The following CCNJL variants were observed in gnomAD, a reference collection of about 807,000 sequenced individuals.
CCNJL encodes cyclin-J-like protein.
In CCNJL, 33 loss-of-function variants were observed where a neutral mutation model predicts 33.4. The ratio of observed to expected loss-of-function variants is 0.99; its 90% CI spans 0.75 to 1.32. The LOEUF (loss-of-function observed/expected upper bound fraction) is 1.32. Among genes scored for constraint, CCNJL ranks in the 40% most tolerant of loss-of-function variants. CCNJL has a pLI of 0.00. For synonymous variants in CCNJL, 227 were observed against 220.9 expected (o/e 1.03, Z -0.24); for missense variants, 512 against 499.7 (o/e 1.02, Z -0.23).
intron 2 of CCNJL, among the ~76,000 whole-genome samples, chr5:160,299,841 T>C (rs1762869413): frequency 6.6e-6 from 1 of 152,100 alleles, no homozygotes; most frequent in South Asian, 2.1e-4. Flanking sequence ...CTTGGATTTT[T>C]TTTTTTTTTT....
intron 3 of CCNJL, among the ~76,000 whole-genome samples, chr5:160,277,267 C>T (rs925643619): frequency 6.6e-6 from 1 of 152,140 alleles, no homozygotes; most frequent in African/African-American, 2.4e-5. Flanking sequence ...TGTAAAGTGC[C>T]TGGCATGGGG....
At chr5:160,299,371 C>T (rs537800880) in intron 2 of CCNJL, among the ~76,000 whole-genome samples, 10 of 151,860 alleles carry the variant, frequency 6.6e-5, no homozygotes, top group Non-Finnish European at 1.0e-4. Flanking sequence ...AGGCTGGTCT[C>T]GAATTCCTGA....
At chr5:160,266,122 C>T (rs902727509) in intron 3 of CCNJL, among the ~76,000 whole-genome samples, 1 of 152,230 alleles carries the variant, frequency 6.6e-6, no homozygotes, top group African/African-American at 2.4e-5. Context: ...CAGTGGTACC[C>T]AGGCCTTGCC....
chr5:160,321,007 TC>T (rs1171172915), intron 1 of CCNJL, among the ~76,000 whole-genome samples: 5 of 100,628 alleles, frequency 5.0e-5, no homozygotes, highest in African/African-American at 2.5e-4. Context: ...TCTCTCTCTC[TC>T]TCTCTCTTTC....
chr5:160,323,140 C>G (rs1763493730), intron 1 of CCNJL, among the ~76,000 whole-genome samples: 1 of 148,786 alleles, frequency 6.7e-6, no homozygotes, highest in African/African-American at 2.5e-5. Context: ...GAGGCCAAGG[C>G]AAGAGAATTG....
At chr5:160,259,419 GGGT>G in intron 4 of CCNJL, 47 bp downstream of exon 4, 1 of 1,539,314 alleles carries the variant, frequency 6.5e-7, no homozygotes, top group Non-Finnish European at 8.9e-7. Flanking sequence ...CCCGACCCCT[GGGT>G]GGTGGGGAAG....
In CCNJL at chr5:160,253,744, T is replaced by C. The variant is rs1274761483; in HGVS notation, c.798A>G (p.Ala266=). ...GGGTGGGGGGTGTGCCGGGCACCAT[T>C]GCCAAGGCCTGGCTCTTGACGGCTA... ...DAVAVKSQAL[A]MVPGTPPTPT... is the part of the protein sequence containing the mutation. Residue 266 remains alanine, a synonymous_variant, in exon 6 of 6, where the codon GCA becomes GCG. Transcript: ENST00000257536. 3 of 1,555,610 alleles carry C rather than the reference T, an allele frequency of 1.9e-6. No homozygotes were observed. The highest frequency in any genetic ancestry group is 2.6e-6 in the Non-Finnish European group (3 of 1,152,006).
intron 3 of CCNJL, 21 bp from the exon 4 acceptor site, chr5:160,259,792 C>A: frequency 6.3e-7 from 1 of 1,582,658 alleles, no homozygotes. Context: ...GCAGGGGAAG[C>A]AGGGGTTACT....
chr5:160,311,099 G>A (rs1399218668), intron 2 of CCNJL, among the ~76,000 whole-genome samples: 3 of 152,068 alleles, frequency 2.0e-5, no homozygotes, highest in African/African-American at 7.2e-5. Flanking sequence ...CACAGGCCAT[G>A]CCTCCAGCCC....
In CCNJL at chr5:160,280,726, G is replaced by A; in HGVS notation, c.79C>T (p.Pro27Ser). ...CTLREKELKLPTFRAHSPLLK... is the reference protein window; with the variant it reads ...CTLREKELKLSTFRAHSPLLK... ...AGTGGGGAGTGGGCTCGGAAGGTGG[G>A]CAGCTTCAGTTCCTGGAGGACAGGC... The change falls in exon 3 of 6, where the codon CCC becomes TCC. Residue 27 changes from proline (P) to serine (S), a missense_variant. Physicochemically the swap from Pro to Ser is moderately conservative, Grantham distance 74. Transcript: ENST00000257536. The A allele has an allele frequency of 6.2e-7, 1 of 1,604,372 alleles. No homozygotes were observed. The highest frequency in any genetic ancestry group is 1.3e-5 in the African/African-American group (1 of 74,804).
intron 2 of CCNJL, among the ~76,000 whole-genome samples, chr5:160,295,866 C>T (rs933659): frequency 0.11 from 16,683 of 152,206 alleles, 997 homozygotes; most frequent in South Asian, 0.2. Flanking sequence ...GTTTGTGGCA[C>T]GTTGTCACAG....
rs1285385859 is a variant in CCNJL, at chr5:160,251,070, T to A, written c.*2308A>T. 2.0e-5 allele frequency: 3 copies of A among 152,196 alleles called. No individual in the cohort carries two copies. The highest frequency in any genetic ancestry group is 2.9e-5 in the Non-Finnish European group (2 of 68,038). 9.4% of individuals were successfully genotyped at this position (152,196 alleles called of 1,614,324 possible). On this transcript the variant is annotated 3_prime_UTR_variant, in exon 6 of 6. Transcript: ENST00000257536. ...TTGTGTGGCTAGGTACTAGTCTAGATGTTGCTGTCAAGGTATTTTTAGATG... is the reference window on the plus strand; with the variant it reads ...TTGTGTGGCTAGGTACTAGTCTAGAAGTTGCTGTCAAGGTATTTTTAGATG...
intron 2 of CCNJL, among the ~76,000 whole-genome samples, chr5:160,305,962 C>A (rs1474149518): frequency 6.6e-6 from 1 of 152,152 alleles, no homozygotes; most frequent in Non-Finnish European, 1.5e-5. Context: ...AATCAAACAT[C>A]TTTTATCTGT....
rs150155784 is a variant in CCNJL, at chr5:160,337,230, G to T, written n.206+2215C>A. Among the ~76,000 whole-genome samples, 336 of 150,630 alleles carry T rather than the reference G, an allele frequency of 2.2e-3. 1 individual carries two copies. The highest frequency in any genetic ancestry group is 7.1e-3 in the African/African-American group (291 of 40,932). ...AGGTTTTCACCATGTTGCCCAGGCT[G>T]GTCTTGAACTCCTGGGCTGAAAAGA... On this transcript the variant is annotated intron_variant and non_coding_transcript_variant, in intron 1 of 7. Coordinates refer to the CCNJL transcript ENST00000377503.
intron 1 of CCNJL, 116 bp from the exon 2 acceptor site, chr5:160,312,088 G>T: frequency 1.5e-6 from 1 of 648,564 alleles, no homozygotes. Flanking sequence ...CTCCTGCGCC[G>T]CTCAGAGGAG....
intron 2 of CCNJL, among the ~76,000 whole-genome samples, chr5:160,282,981 A>ATATATG (rs1762274372): frequency 1.8e-5 from 1 of 55,342 alleles, no homozygotes; most frequent in Non-Finnish European, 3.2e-5. Context: ...ATATATATAT[A>ATATATG]TATATATATA....
At chr5:160,263,163 T>G (rs138199546) in intron 3 of CCNJL, among the ~76,000 whole-genome samples, 83 of 152,370 alleles carry the variant, frequency 5.4e-4, no homozygotes, top group African/African-American at 1.9e-3. Context: ...AGGTGTATTC[T>G]GTCTGTAAAT....
At chr5:160,311,550 G>T (rs898954327) in intron 2 of CCNJL, among the ~76,000 whole-genome samples, 1 of 152,134 alleles carries the variant, frequency 6.6e-6, no homozygotes, top group South Asian at 2.1e-4. Context: ...TTCACGTACG[G>T]TTTAAAATAA....
At chr5:160,289,420 T>C (rs1422981) in intron 2 of CCNJL, among the ~76,000 whole-genome samples, 31,104 of 151,812 alleles carry the variant, frequency 0.2, 5,577 homozygotes, top group African/African-American at 0.48. Flanking sequence ...CCTCCCTTCC[T>C]CTCGGGACTC....
Sources: gnomAD v4.1 joint callset for allele counts (sites outside exome capture counted in the v4.1 genomes callset) on GRCh38, gnomAD v4.1.1 for gene constraint, MANE v1.5 for transcripts, NCBI Gene and HGNC (gene_info 2026-07-23, HGNC 2026-07-21) for gene names.